The following CD44 variants were observed in gnomAD, a reference collection of about 807,000 sequenced individuals.
CD44 encodes the protein CD44 molecule (IN blood group).
A neutral mutation model predicts 88.8 loss-of-function variants in CD44; 49 were observed. The observed-to-expected ratio is 0.55, with a 90% confidence interval of 0.44 to 0.70. The LOEUF is 0.70. CD44 is among the 30% of genes least tolerant of loss of function. CD44 has a pLI of 0.00. For synonymous variants in CD44, 325 were observed against 312.3 expected (o/e 1.04, Z -0.43); for missense variants, 883 against 913.8 (o/e 0.97, Z 0.43).
chr11:35,228,624 T>C (rs1281779538), intron 17 of CD44, among the ~76,000 whole-genome samples: 1 of 152,230 alleles, frequency 6.6e-6, no homozygotes, highest in African/African-American at 2.4e-5. Flanking sequence ...ATCCTCTTTC[T>C]TACTTGCTGA....
chr11:35,198,967 C>CAAA (rs11340143), intron 7 of CD44, among the ~76,000 whole-genome samples: 4 of 128,012 alleles, frequency 3.1e-5, no homozygotes, highest in East Asian at 2.2e-4. Flanking sequence ...GACTCCATCT[C>CAAA]AAAAAAAAAA....
chr11:35,191,458 G>A (rs1372119418), intron 5 of CD44, among the ~76,000 whole-genome samples: 1 of 152,118 alleles, frequency 6.6e-6, no homozygotes, highest in Non-Finnish European at 1.5e-5. Flanking sequence ...TAGTCCCGTG[G>A]GCAACCCTTC....
At chr11:35,204,827 A>G (rs1168604791) in intron 10 of CD44, 187 bp downstream of exon 10, 1 of 550,224 alleles carries the variant, frequency 1.8e-6, no homozygotes, top group Non-Finnish European at 3.2e-6. Flanking sequence ...CTGAACAGGA[A>G]TGGATACAAG....
At chr11:35,141,303 G>A (rs979889642) in intron 1 of CD44, among the ~76,000 whole-genome samples, 1 of 152,112 alleles carries the variant, frequency 6.6e-6, no homozygotes, top group Non-Finnish European at 1.5e-5. Flanking sequence ...TAAGATGGAC[G>A]AACTTGGAAG....
At chr11:35,192,481 C>G (rs1379047108) in intron 5 of CD44, among the ~76,000 whole-genome samples, 1 of 152,190 alleles carries the variant, frequency 6.6e-6, no homozygotes, top group Non-Finnish European at 1.5e-5. Context: ...CAAAGCCTCC[C>G]TCATGCATTG....
chr11:35,198,205 G>T lies in CD44; in HGVS notation c.881G>T (p.Gly294Val), dbSNP rs1433295265. 1 of 1,613,968 alleles carries T rather than the reference G, an allele frequency of 6.2e-7. No individual in the cohort carries two copies. ...AGAGACAGACACCTCAGTTTTTCTG[G>T]ATCAGGCATTGATGATGATGAAGAT... ...DERDRHLSFS[G>V]SGIDDDEDFI... Residue 294 changes from glycine (G) to valine (V), a missense_variant, in exon 7 of 18, where the codon GGA becomes GTA. By Grantham distance (109) the Gly-to-Val change is moderately radical. This residue lies in a region of CD44 where 631 missense variants were observed against 590.9 expected (regional missense o/e 1.07). Coordinates refer to ENST00000428726, the MANE Select transcript of CD44 (RefSeq NM_000610.4).
At chr11:35,225,940 A>G (rs1949666559) in intron 17 of CD44, among the ~76,000 whole-genome samples, 1 of 152,264 alleles carries the variant, frequency 6.6e-6, no homozygotes, top group Non-Finnish European at 1.5e-5. Flanking sequence ...CTTGGTGTCC[A>G]GTTTACATAA....
rs1226323589 is a variant in CD44 at position 35,221,848 on chromosome 11, G to A, written c.2024+116G>A. 4.3e-6 allele frequency: 4 copies of A among 936,832 alleles called. No individual in the cohort carries two copies. In the African/African-American group the frequency reaches 4.9e-5, roughly 11 times the overall value. The allele number at this position is 936,832 out of a possible 1,614,324, so 58.0% of individuals were successfully genotyped here. On this transcript the variant is annotated intron_variant, in intron 17 of 17. Transcript: ENST00000428726. ...AACCAGCAGCCTGGGTACCCTGGGA[G>A]TTTGTTGGAAATGCACAATCTCAGA...
At chr11:35,158,723 A>G (rs1455678561) in intron 1 of CD44, among the ~76,000 whole-genome samples, 1 of 152,186 alleles carries the variant, frequency 6.6e-6, no homozygotes, top group Non-Finnish European at 1.5e-5. Flanking sequence ...CTCTCATTGA[A>G]TTTGGCAGGG....
intron 1 of CD44, among the ~76,000 whole-genome samples, chr11:35,145,708 G>T (rs1011982297): frequency 2.0e-5 from 3 of 152,160 alleles, no homozygotes; most frequent in African/African-American, 7.2e-5. Flanking sequence ...TGGGTGAGAG[G>T]CCCACACTCC....
intron 1 of CD44, among the ~76,000 whole-genome samples, chr11:35,176,157 C>G (rs1299971449): frequency 6.6e-6 from 1 of 151,904 alleles, no homozygotes; most frequent in Non-Finnish European, 1.5e-5. Context: ...ATTCTCCTGC[C>G]TCAGCCTCCG....
At chr11:35,150,310 C>A (rs535097170) in intron 1 of CD44, among the ~76,000 whole-genome samples, 1 of 152,224 alleles carries the variant, frequency 6.6e-6, no homozygotes, top group Admixed American at 6.5e-5. Flanking sequence ...CTAGACCAAA[C>A]AAAAGATTAT....
At chr11:35,152,783 C>T (rs968734766) in intron 1 of CD44, among the ~76,000 whole-genome samples, 1 of 152,278 alleles carries the variant, frequency 6.6e-6, no homozygotes, top group African/African-American at 2.4e-5. Context: ...TGTGCCACTT[C>T]CTAAGGCTTG....
At chr11:35,225,922 T>C (rs1324221873) in intron 17 of CD44, among the ~76,000 whole-genome samples, 1 of 152,264 alleles carries the variant, frequency 6.6e-6, no homozygotes, top group Non-Finnish European at 1.5e-5. Context: ...TGGACAATAC[T>C]TCTTGGACTT....
intron 1 of CD44, among the ~76,000 whole-genome samples, chr11:35,164,935 T>C (rs538100959): frequency 2.0e-5 from 3 of 152,352 alleles, no homozygotes; most frequent in Admixed American, 2.0e-4. Flanking sequence ...CCAAATGCTT[T>C]GGAGCCCCTG....
chr11:35,177,282 G>T (rs2133661198), intron 2 of CD44, among the ~76,000 whole-genome samples: 1 of 152,170 alleles, frequency 6.6e-6, no homozygotes, highest in South Asian at 2.1e-4. Context: ...TATTATTTTT[G>T]GGAGCCCTGA....
intron 15 of CD44, 65 bp downstream of exon 15, chr11:35,214,979 G>C: frequency 1.0e-6 from 1 of 974,722 alleles, no homozygotes; most frequent in Non-Finnish European, 1.5e-6. Context: ...GACTACCAAC[G>C]AAGTATGAGT....
intron 17 of CD44, among the ~76,000 whole-genome samples, chr11:35,228,917 C>T (rs1450147378): frequency 1.3e-5 from 2 of 152,124 alleles, no homozygotes; most frequent in Non-Finnish European, 2.9e-5. Context: ...GTCCAGGGAC[C>T]TCACTTTGAG....
chr11:35,220,443 G>A (rs1244504685), intron 16 of CD44, among the ~76,000 whole-genome samples: 1 of 152,184 alleles, frequency 6.6e-6, no homozygotes, highest in East Asian at 1.9e-4. Flanking sequence ...CAAAGGTAGT[G>A]CTGAGCAGGA....
Sources: gnomAD v4.1 joint callset for allele counts (sites outside exome capture counted in the v4.1 genomes callset) on GRCh38, gnomAD v4.1.1 for gene constraint, gnomAD v4.1.1 regional missense constraint, MANE v1.5 for transcripts, NCBI Gene and HGNC (gene_info 2026-07-23, HGNC 2026-07-21) for gene names.